Variants in UNC5B observed in about 807,000 individuals in gnomAD.
UNC5B encodes the protein netrin receptor UNC5B.
In UNC5B, 56 loss-of-function variants were observed where a neutral mutation model predicts 103.7. The observed-to-expected ratio is 0.54, with a 90% confidence interval of 0.44 to 0.67. The LOEUF (loss-of-function observed/expected upper bound fraction) is 0.67, where lower values mean the gene tolerates loss of function less well. Among genes scored for constraint, UNC5B ranks in the 30% least tolerant of loss-of-function variants. UNC5B has a pLI of 0.00. For synonymous variants in UNC5B, 577 were observed against 542.0 expected (o/e 1.06, Z -0.90); for missense variants, 1,194 against 1,284.5 (o/e 0.93, Z 1.08).
rs147311999 is a variant in UNC5B at position 71,248,072 on chromosome 10, G to A, written c.80-31749G>A. 9.5e-3 allele frequency among the ~76,000 whole-genome samples: 1,438 copies of A among 152,168 alleles called. 17 individuals are homozygous for A. Among genetic ancestry groups the A allele is most frequent in the Admixed American group, 0.014 (220 of 15,292 alleles). On this transcript the variant is annotated intron_variant, in intron 1 of 16. Coordinates refer to ENST00000335350, the MANE Select transcript of UNC5B (RefSeq NM_170744.5). ...CCTTTGCCAAAGCCTCTGACTTCTA[G>A]CACTGCCTTTCCAGGCTTGTGGTAT...
intron 1 of UNC5B, among the ~76,000 whole-genome samples, chr10:71,239,032 T>C (rs1209079735): frequency 6.6e-6 from 1 of 152,164 alleles, no homozygotes; most frequent in African/African-American, 2.4e-5. Flanking sequence ...TTCATTTCCC[T>C]GCCCTTGAGC....
At chr10:71,292,844 A>G (rs1845301213) in intron 11 of UNC5B, among the ~76,000 whole-genome samples, 1 of 152,246 alleles carries the variant, frequency 6.6e-6, no homozygotes, top group African/African-American at 2.4e-5. Context: ...GAAAATGGGC[A>G]AAGGATATGA....
intron 1 of UNC5B, among the ~76,000 whole-genome samples, chr10:71,216,715 G>T (rs545810722): frequency 2.0e-5 from 3 of 152,350 alleles, no homozygotes; most frequent in African/African-American, 7.2e-5. Context: ...CTTTTCCTGG[G>T]TGTCAGGCTT....
At chr10:71,272,877 C>CTGTTTGTTTGTT (rs112300355) in intron 1 of UNC5B, among the ~76,000 whole-genome samples, 2,670 of 150,558 alleles carry the variant, frequency 0.018, 33 homozygotes, top group East Asian at 0.064. Context: ...CATGCACTGC[C>CTGTTTGTTTGTT]TGTTTGTTTG....
intron 1 of UNC5B, among the ~76,000 whole-genome samples, chr10:71,261,628 T>A (rs962525807): frequency 2.6e-5 from 4 of 152,186 alleles, no homozygotes; most frequent in Admixed American, 1.3e-4. Context: ...ATTCTTAGTA[T>A]TAACCGAGTC....
chr10:71,295,990 G>T (rs747054753), intron 14 of UNC5B, 30 bp downstream of exon 14: 1 of 1,612,064 alleles, frequency 6.2e-7, no homozygotes, highest in Non-Finnish European at 8.5e-7. Flanking sequence ...ATGGGGAGGG[G>T]CACCACTTAA....
At chr10:71,280,915 G>A (rs1214361681) in intron 2 of UNC5B, among the ~76,000 whole-genome samples, 1 of 152,140 alleles carries the variant, frequency 6.6e-6, no homozygotes, top group Non-Finnish European at 1.5e-5. Context: ...AGCCTTCCTG[G>A]GTTTTGTTTT....
intron 1 of UNC5B, among the ~76,000 whole-genome samples, chr10:71,278,749 C>A (rs1337287716): frequency 6.6e-6 from 1 of 152,274 alleles, no homozygotes; most frequent in Non-Finnish European, 1.5e-5. Context: ...GGTGGGGCCT[C>A]TAGCTGGAGG....
At position 71,295,905 on chromosome 10, in the gene UNC5B, C is replaced by T. The variant is rs990753477; in HGVS notation, c.2270C>T (p.Ser757Phe). The T allele has an allele frequency of 1.2e-6, 2 of 1,613,350 alleles. No individual in the cohort carries two copies. The highest frequency in any genetic ancestry group is 1.1e-5 in the South Asian group (1 of 91,044). Residue 757 changes from serine (S) to phenylalanine (F), a missense_variant, in exon 14 of 17, where the codon TCC becomes TTC. Ser to Phe is a radical substitution (Grantham distance 155). Transcript: ENST00000335350. ...GACAGTTACCACAACCTGCGCCTCT[C>T]CCTCCATGACCTCCCCCATGCCCAT... ...FKDSYHNLRL[S>F]LHDLPHAHWR...
intron 1 of UNC5B, among the ~76,000 whole-genome samples, chr10:71,237,763 T>TA (rs1843806304): frequency 6.6e-6 from 1 of 152,234 alleles, no homozygotes; most frequent in African/African-American, 2.4e-5. Flanking sequence ...TGGTCTTTAC[T>TA]AGGACTTTGT....
chr10:71,225,641 G>A (rs1052846682), intron 1 of UNC5B, among the ~76,000 whole-genome samples: 1 of 152,210 alleles, frequency 6.6e-6, no homozygotes, highest in Admixed American at 6.5e-5. Context: ...CTTAGAAAAC[G>A]GGGCAGGCAG....
intron 1 of UNC5B, among the ~76,000 whole-genome samples, chr10:71,224,411 A>ACACACACG: frequency 6.6e-6 from 1 of 150,960 alleles, no homozygotes; most frequent in Non-Finnish European, 1.5e-5. Context: ...ACACACACAC[A>ACACACACG]CACACGAAAT....
intron 13 of UNC5B, among the ~76,000 whole-genome samples, chr10:71,294,796 C>G (rs1845364377): frequency 6.6e-6 from 1 of 151,994 alleles, no homozygotes; most frequent in Non-Finnish European, 1.5e-5. Flanking sequence ...TCTTTTAGTA[C>G]CTAGAGCCTG....
intron 1 of UNC5B, among the ~76,000 whole-genome samples, chr10:71,276,618 G>C (rs114577252): frequency 5.1e-4 from 77 of 152,332 alleles, no homozygotes; most frequent in African/African-American, 1.8e-3. Flanking sequence ...ATTTTTAGTA[G>C]AGATGGGGTT....
chr10:71,279,997 G>C lies in UNC5B; in HGVS notation c.256G>C (p.Val86Leu). The C allele has an allele frequency of 6.2e-7, 1 of 1,614,118 alleles. No homozygotes were observed. The highest frequency in any genetic ancestry group is 8.5e-7 in the Non-Finnish European group (1 of 1,180,036). Residue 86 changes from valine to leucine, a missense_variant, in exon 2 of 17, where the codon GTC becomes CTC. Physicochemically the swap from Val to Leu is conservative, Grantham distance 32. Coordinates refer to ENST00000335350, the MANE Select transcript of UNC5B (RefSeq NM_170744.5). ...QIYFKCNGEWVSQNDHVTQEG... is the reference protein window; with the variant it reads ...QIYFKCNGEWLSQNDHVTQEG... ...CTACTTCAAGTGCAACGGCGAGTGG[G>C]TCAGCCAGAACGACCACGTCACACA...
rs79422724 is a variant in UNC5B at position 71,261,643 on chromosome 10, C to T, written c.80-18178C>T. Among the ~76,000 whole-genome samples, 144 of 152,336 alleles carry T rather than the reference C, an allele frequency of 9.5e-4. 3 individuals are homozygous for T. In the East Asian group the frequency reaches 0.024, roughly 26 times the overall value. On this transcript the variant is annotated intron_variant, in intron 1 of 16. Coordinates refer to ENST00000335350, the MANE Select transcript of UNC5B (RefSeq NM_170744.5). The stretch of plus-strand genomic sequence containing the variant: ...ATTCTTAGTATTAACCGAGTCCTTC[C>T]TTGTGCCCCTCCTTGTGCCCAGTGC...
intron 1 of UNC5B, among the ~76,000 whole-genome samples, chr10:71,279,078 C>T (rs1313310780): frequency 6.6e-6 from 1 of 152,146 alleles, no homozygotes; most frequent in Non-Finnish European, 1.5e-5. Flanking sequence ...GCACAGCCCC[C>T]ATCTGCTCTG....
chr10:71,268,732 C>T (rs1844577494), intron 1 of UNC5B, among the ~76,000 whole-genome samples: 1 of 152,196 alleles, frequency 6.6e-6, no homozygotes, highest in Admixed American at 6.5e-5. Flanking sequence ...ACAGCCTTAA[C>T]CCTGGGCTTT....
chr10:71,296,733 T>A lies in UNC5B; in HGVS notation c.2481T>A (p.Thr827=), dbSNP rs12783281. ...GEGQIFQLHT[T]LAETPAGSLD... is the part of the protein sequence containing the mutation. ...GCCAGATATTCCAGCTGCATACCAC[T>A]CTGGCAGAGGTGAGGGAAGTCGGGG... Residue 827 remains threonine, a synonymous_variant, in exon 15 of 17, where the codon ACT becomes ACA. Transcript: ENST00000335350. 1.0e-3 allele frequency: 1,602 copies of A among 1,598,888 alleles called. 3 individuals are homozygous for A. Among genetic ancestry groups the A allele is most frequent in the African/African-American group, 1.3e-3 (93 of 69,756 alleles).
Sources: gnomAD v4.1 joint callset for allele counts (sites outside exome capture counted in the v4.1 genomes callset) on GRCh38, gnomAD v4.1.1 for gene constraint, MANE v1.5 for transcripts, NCBI Gene and HGNC (gene_info 2026-07-23, HGNC 2026-07-21) for gene names.